Variants in COL28A1 observed in about 807,000 individuals in gnomAD.
COL28A1 encodes the protein collagen type XXVIII alpha 1 chain.
COL28A1 carries 161 observed loss-of-function variants against 150.2 expected under a neutral mutation model. That is an observed-to-expected ratio of 1.07 (90% confidence interval 0.94 to 1.22). The LOEUF (loss-of-function observed/expected upper bound fraction) is 1.22. Ranked by LOEUF, COL28A1 falls within the 50% of genes most tolerant of loss-of-function variation. The pLI is 0.00. For missense variants in COL28A1, 1,617 were observed against 1,388.3 expected, an observed-to-expected ratio of 1.16 and a Z score of -2.62; for synonymous variants, 552 against 469.7, an observed-to-expected ratio of 1.18 and a Z score of -2.26.
At chr7:7,487,088 C>G (rs186960013) in intron 13 of COL28A1, among the ~76,000 whole-genome samples, 1 of 152,158 alleles carries the variant, frequency 6.6e-6, no homozygotes, top group African/African-American at 2.4e-5. Flanking sequence ...GTATAATTGT[C>G]TACCTGGCGG....
chr7:7,523,300 G>T (rs1781841853), intron 4 of COL28A1, among the ~76,000 whole-genome samples: 1 of 151,854 alleles, frequency 6.6e-6, no homozygotes, highest in Non-Finnish European at 1.5e-5. Context: ...TGGGACTACA[G>T]TCATGCACCA....
intron 30 of COL28A1, among the ~76,000 whole-genome samples, chr7:7,377,249 T>C (rs1562497408): frequency 6.6e-6 from 1 of 152,232 alleles, no homozygotes; most frequent in Admixed American, 6.5e-5. Context: ...AAATTTTTTC[T>C]TCATGTTCTT....
At chr7:7,513,079 A>G (rs1781234477) in intron 8 of COL28A1, among the ~76,000 whole-genome samples, 2 of 152,220 alleles carry the variant, frequency 1.3e-5, no homozygotes, top group African/African-American at 4.8e-5. Flanking sequence ...GCAACAAACC[A>G]TTCACAGACT....
At chr7:7,457,191 G>C (rs1787236635) in intron 15 of COL28A1, among the ~76,000 whole-genome samples, 1 of 152,188 alleles carries the variant, frequency 6.6e-6, no homozygotes, top group Non-Finnish European at 1.5e-5. Flanking sequence ...AGCCACTGGA[G>C]GGTTTTGAGA....
At chr7:7,496,631 C>A (rs1029210805) in intron 11 of COL28A1, among the ~76,000 whole-genome samples, 2 of 152,090 alleles carry the variant, frequency 1.3e-5, no homozygotes, top group Non-Finnish European at 2.9e-5. Context: ...ACTCCGTATC[C>A]CTGGCACTGA....
intron 31 of COL28A1, among the ~76,000 whole-genome samples, chr7:7,374,038 A>AAAAAAAAATATATATATATATATATATAT: frequency 8.8e-6 from 1 of 113,656 alleles, no homozygotes; most frequent in African/African-American, 3.8e-5. Flanking sequence ...AAAAAAAAAA[A>AAAAAAAAATATATATATATATATATATAT]ATATATATAT....
chr7:7,497,591 T>A (rs944564747), intron 11 of COL28A1, among the ~76,000 whole-genome samples: 1 of 152,198 alleles, frequency 6.6e-6, no homozygotes, highest in African/African-American at 2.4e-5. Flanking sequence ...TTTAAAGTAT[T>A]TCAAAAATTG....
chr7:7,413,779 G>C (rs906890920), intron 27 of COL28A1, among the ~76,000 whole-genome samples: 1 of 152,188 alleles, frequency 6.6e-6, no homozygotes, highest in Non-Finnish European at 1.5e-5. Context: ...GTTCAAATGG[G>C]TGGGTGGGTC....
At chr7:7,519,038 T>C (rs1488339004) in intron 6 of COL28A1, among the ~76,000 whole-genome samples, 1 of 152,198 alleles carries the variant, frequency 6.6e-6, no homozygotes, top group Non-Finnish European at 1.5e-5. Flanking sequence ...TCTTTAATAT[T>C]CCTTCCTTAT....
chr7:7,347,619 A>G, the COL28A1 span, among the ~76,000 whole-genome samples: 1 of 152,110 alleles, frequency 6.6e-6, no homozygotes. Context: ...ACCATTTGGG[A>G]GTCAAACAAA....
intron 11 of COL28A1, among the ~76,000 whole-genome samples, chr7:7,497,133 A>G (rs997054113): frequency 6.2e-5 from 7 of 112,572 alleles, no homozygotes; most frequent in Admixed American, 9.5e-5. Flanking sequence ...AAGGAAGGAA[A>G]GAAGGATCAA....
intron 27 of COL28A1, among the ~76,000 whole-genome samples, chr7:7,415,151 TAGAG>T: frequency 6.6e-6 from 1 of 152,162 alleles, no homozygotes; most frequent in East Asian, 1.9e-4. Flanking sequence ...TGGAAGGGGA[TAGAG>T]AGACAGAGTA....
intron 27 of COL28A1, among the ~76,000 whole-genome samples, chr7:7,400,987 T>G (rs1045847447): frequency 5.6e-5 from 8 of 142,472 alleles, no homozygotes; most frequent in Admixed American, 2.1e-4. Flanking sequence ...TGTGTGTGTG[T>G]GTGTGTGTGT....
At chr7:7,453,004 A>T (rs1786833930) in intron 17 of COL28A1, among the ~76,000 whole-genome samples, 1 of 152,356 alleles carries the variant, frequency 6.6e-6, no homozygotes, top group East Asian at 1.9e-4. Flanking sequence ...AATCTATGAG[A>T]TAGTTTGATT....
chr7:7,423,286 A>G (rs910233305), intron 25 of COL28A1, among the ~76,000 whole-genome samples: 2 of 152,172 alleles, frequency 1.3e-5, no homozygotes, highest in African/African-American at 2.4e-5. Context: ...GTGATATGTA[A>G]ATGAGAGTTC....
intron 18 of COL28A1, among the ~76,000 whole-genome samples, chr7:7,449,879 A>G (rs1786550124): frequency 6.6e-6 from 1 of 152,118 alleles, no homozygotes; most frequent in East Asian, 1.9e-4. Flanking sequence ...GGTGTGAAAG[A>G]CTTGCTATTT....
chr7:7,445,292 A>G (rs1786163332), intron 18 of COL28A1, among the ~76,000 whole-genome samples: 1 of 152,222 alleles, frequency 6.6e-6, no homozygotes, highest in Non-Finnish European at 1.5e-5. Flanking sequence ...GCACCATGTG[A>G]TAAGAGAGGC....
At chr7:7,503,498 T>G (rs954034837) in intron 11 of COL28A1, among the ~76,000 whole-genome samples, 1 of 152,206 alleles carries the variant, frequency 6.6e-6, no homozygotes, top group African/African-American at 2.4e-5. Flanking sequence ...CAAAAGCAGC[T>G]TCTTTTAAAA....
At chr7:7,499,621 A>C (rs548440443) in intron 11 of COL28A1, among the ~76,000 whole-genome samples, 1 of 152,230 alleles carries the variant, frequency 6.6e-6, no homozygotes, top group Non-Finnish European at 1.5e-5. Context: ...AGTGGTTGAA[A>C]GCAACATCAT....
Sources: allele counts gnomAD v4.1 joint callset (sites outside exome capture counted in the v4.1 genomes callset), GRCh38; gene constraint gnomAD v4.1.1; transcripts MANE v1.5; gene names NCBI Gene and HGNC (gene_info 2026-07-23, HGNC 2026-07-21).